ROBO1: variants seen among roughly 807,000 people sequenced by gnomAD.
ROBO1 encodes the protein roundabout homolog 1.
ROBO1 carries 149 observed loss-of-function variants against 195.9 expected under a neutral mutation model. The ratio of observed to expected loss-of-function variants is 0.76; its 90% confidence interval spans 0.67 to 0.87. The LOEUF is 0.87. ROBO1 is among the 40% of genes least tolerant of loss of function. The probability of loss-of-function intolerance (pLI) is 0.00; values close to 1 mark genes in which losing one functional copy is unlikely to be tolerated. For missense variants in ROBO1, 1,933 were observed against 2,068.3 expected, an observed-to-expected ratio of 0.93 and a Z score of 1.27; for synonymous variants, 816 against 733.2, an observed-to-expected ratio of 1.11 and a Z score of -1.82.
intron 3 of ROBO1, among the ~76,000 whole-genome samples, chr3:79,044,385 T>C (rs7641617): frequency 0.99 from 150,002 of 152,244 alleles, 73,942 homozygotes; most frequent in Middle Eastern, 1. Flanking sequence ...ATCCATTCCT[T>C]GAAATATTTA....
At chr3:79,267,982 C>A (rs2108961478) in intron 2 of ROBO1, among the ~76,000 whole-genome samples, 1 of 151,548 alleles carries the variant, frequency 6.6e-6, no homozygotes, top group East Asian at 1.9e-4. Context: ...ATGGGAAAAT[C>A]ATATTTCAGG....
chr3:78,806,771 G>A (rs1559875815), intron 4 of ROBO1, among the ~76,000 whole-genome samples: 1 of 151,972 alleles, frequency 6.6e-6, no homozygotes, highest in Admixed American at 6.6e-5. Flanking sequence ...ATATTCTACT[G>A]TGTCTTAGTC....
chr3:78,987,527 G>A (rs2077138082), intron 3 of ROBO1, among the ~76,000 whole-genome samples: 1 of 152,108 alleles, frequency 6.6e-6, no homozygotes, highest in South Asian at 2.1e-4. Context: ...TAAGAAGTGA[G>A]GAGGGATACT....
chr3:78,756,314 A>G (rs934978081), intron 4 of ROBO1, among the ~76,000 whole-genome samples: 4 of 152,174 alleles, frequency 2.6e-5, no homozygotes, highest in Non-Finnish European at 4.4e-5. Context: ...ATAACATATT[A>G]AATCAATAAC....
chr3:79,737,169 A>G (rs368874227), intron 1 of ROBO1, among the ~76,000 whole-genome samples: 2 of 152,272 alleles, frequency 1.3e-5, no homozygotes, highest in Admixed American at 6.5e-5. Context: ...AATCCAAGAG[A>G]GTGCAATATG....
At chr3:79,310,361 G>C (rs187576912) in intron 2 of ROBO1, among the ~76,000 whole-genome samples, 153 of 152,082 alleles carry the variant, frequency 1.0e-3, no homozygotes, top group Non-Finnish European at 2.0e-3. Flanking sequence ...TGGGACTGGG[G>C]GCCTTTTATA....
In ROBO1 at chr3:78,885,909, T is replaced by TTATATATATATATATATATA. The variant is rs10651992; in HGVS notation, c.499+52672_499+52691dup. 5.7e-4 allele frequency among the ~76,000 whole-genome samples: 67 copies of TTATATATATATATATATATA among 117,726 alleles called. 1 individual carries two copies. Among genetic ancestry groups the TTATATATATATATATATATA allele is most frequent in the African/African-American group, 1.0e-3 (31 of 29,670 alleles). The allele number at this position is 117,726 out of a possible 152,430, so 77.2% of individuals were successfully genotyped here. A position where few individuals can be genotyped will look rare whatever the true frequency, so the allele number is the denominator to read the frequency against. On this transcript the variant is annotated intron_variant, in intron 4 of 30. Coordinates refer to ENST00000464233, the MANE Select transcript of ROBO1 (RefSeq NM_002941.4). ...AGACCCTACTACTGATAGCAAAATT[T>TTATATATATATATATATATA]TATATATATATATATATATATATAT...
chr3:79,417,912 T>G (rs575624109), intron 2 of ROBO1, among the ~76,000 whole-genome samples: 5 of 152,124 alleles, frequency 3.3e-5, no homozygotes, highest in Non-Finnish European at 7.4e-5. Context: ...CGTGTTTAAG[T>G]TATAGTTCTG....
At chr3:79,553,815 T>C (rs1942607162) in intron 2 of ROBO1, among the ~76,000 whole-genome samples, 1 of 152,080 alleles carries the variant, frequency 6.6e-6, no homozygotes, top group South Asian at 2.1e-4. Flanking sequence ...AAGAGATCTG[T>C]CTGGATCCAG....
At chr3:79,522,752 G>A (rs555437077) in intron 2 of ROBO1, among the ~76,000 whole-genome samples, 11 of 152,130 alleles carry the variant, frequency 7.2e-5, no homozygotes, top group South Asian at 4.1e-4. Flanking sequence ...AAAGATGATC[G>A]TGGTTTTAGA....
At chr3:78,750,811 T>C (rs1056146918) in intron 4 of ROBO1, among the ~76,000 whole-genome samples, 2 of 152,250 alleles carry the variant, frequency 1.3e-5, no homozygotes, top group Non-Finnish European at 2.9e-5. Context: ...TGGGCAGAGA[T>C]CTTTGACAAC....
At chr3:78,876,408 T>C (rs1184797195) in intron 4 of ROBO1, among the ~76,000 whole-genome samples, 1 of 152,162 alleles carries the variant, frequency 6.6e-6, no homozygotes, top group Non-Finnish European at 1.5e-5. Flanking sequence ...GTTGTGCTTA[T>C]TGAGATTGTC....
At chr3:79,089,885 G>C (rs750823558) in intron 3 of ROBO1, among the ~76,000 whole-genome samples, 1 of 150,978 alleles carries the variant, frequency 6.6e-6, no homozygotes, top group Non-Finnish European at 1.5e-5. Context: ...ATTTACGACA[G>C]TTGTTTGCAT....
At chr3:79,725,543 T>G (rs1403976972) in intron 1 of ROBO1, among the ~76,000 whole-genome samples, 1 of 152,148 alleles carries the variant, frequency 6.6e-6, no homozygotes, top group East Asian at 1.9e-4. Flanking sequence ...CTTACTTATA[T>G]CTGCAGGAGA....
chr3:79,314,238 T>C (rs1470956643), intron 2 of ROBO1, among the ~76,000 whole-genome samples: 1 of 152,150 alleles, frequency 6.6e-6, no homozygotes, highest in Non-Finnish European at 1.5e-5. Flanking sequence ...AAATTTCCAA[T>C]AAAAAACCTG....
At chr3:78,962,254 T>A (rs1464921723) in intron 3 of ROBO1, among the ~76,000 whole-genome samples, 1 of 152,190 alleles carries the variant, frequency 6.6e-6, no homozygotes, top group Non-Finnish European at 1.5e-5. Context: ...TGCTTCAAAG[T>A]GCCTGTGAAT....
chr3:78,778,809 T>C (rs1243264824), intron 4 of ROBO1, among the ~76,000 whole-genome samples: 1 of 151,930 alleles, frequency 6.6e-6, no homozygotes, highest in African/African-American at 2.4e-5. Context: ...GCCAAGACAA[T>C]CCTAAGCAAA....
In ROBO1 at chr3:79,147,054, T is replaced by C. The variant is rs562304865; in HGVS notation, c.89-21515A>G. Among the ~76,000 whole-genome samples, 286 of 152,112 alleles carry C rather than the reference T, an allele frequency of 1.9e-3. 2 individuals carry two copies. Among genetic ancestry groups the C allele is most frequent in the African/African-American group, 6.1e-3 (253 of 41,516 alleles). Reference sequence around the variant, plus strand: ...GTAAACAGTGTAAAAGCGTCTCTGATCTAAACTAGATAGCTGCATAACATA... The same window carrying C: ...GTAAACAGTGTAAAAGCGTCTCTGACCTAAACTAGATAGCTGCATAACATA... On this transcript the variant is annotated intron_variant, in intron 2 of 30. Coordinates refer to ENST00000464233, the MANE Select transcript of ROBO1 (RefSeq NM_002941.4).
At position 79,640,605 on chromosome 3, in the gene ROBO1, G is replaced by A. The variant is rs79046815; in HGVS notation, c.-50-50644C>T. Among the ~76,000 whole-genome samples the A allele has an allele frequency of 9.4e-3, 1,437 of 152,092 alleles. 16 individuals are homozygous for A. Among genetic ancestry groups the A allele is most frequent in the Middle Eastern group, 0.037 (11 of 294 alleles). ...TCTTAAGGCCTGACTTCAATTTTATGTACCTCATACACTTCAACTTTAAAG... is the reference window on the plus strand; with the variant it reads ...TCTTAAGGCCTGACTTCAATTTTATATACCTCATACACTTCAACTTTAAAG... On this transcript the variant is annotated intron_variant, in intron 1 of 30. Coordinates refer to ENST00000464233, the MANE Select transcript of ROBO1 (RefSeq NM_002941.4).
Sources: allele counts gnomAD v4.1 joint callset (sites outside exome capture counted in the v4.1 genomes callset), GRCh38; gene constraint gnomAD v4.1.1; transcripts MANE v1.5; gene names NCBI Gene and HGNC (gene_info 2026-07-23, HGNC 2026-07-21).